Variants in FAR2 observed in about 807,000 individuals in gnomAD.
FAR2 encodes fatty acyl-CoA reductase 2.
In FAR2, 19 loss-of-function variants were observed where a neutral mutation model predicts 56.0. The observed-to-expected ratio is 0.34, with a 90% CI of 0.24 to 0.50. The LOEUF (loss-of-function observed/expected upper bound fraction) is 0.50. FAR2 is among the 20% of genes least tolerant of loss of function. The pLI is 0.98. For synonymous variants in FAR2, 219 were observed against 218.8 expected (o/e 1.00, Z -0.01); for missense variants, 508 against 642.2 (o/e 0.79, Z 2.26).
At chr12:29,175,684 A>G (rs1291388221) in intron 1 of FAR2, among the ~76,000 whole-genome samples, 1 of 152,138 alleles carries the variant, frequency 6.6e-6, no homozygotes, top group Non-Finnish European at 1.5e-5. Flanking sequence ...TGTATTTACA[A>G]TCCTTTAGCT....
chr12:29,290,729 C>T (rs1366302865), intron 2 of FAR2, among the ~76,000 whole-genome samples: 6 of 152,136 alleles, frequency 3.9e-5, no homozygotes, highest in Admixed American at 1.3e-4. Context: ...GGTCATTATG[C>T]TAAGTGAAAT....
chr12:29,182,753 A>G (rs950399063), intron 1 of FAR2, among the ~76,000 whole-genome samples: 6 of 152,168 alleles, frequency 3.9e-5, no homozygotes, highest in Non-Finnish European at 2.9e-5. Flanking sequence ...GAATTCCCTC[A>G]ACATCAAGGA....
At chr12:29,291,362 G>A (rs1200043904) in intron 2 of FAR2, 1 of 455,846 alleles carries the variant, frequency 2.2e-6, no homozygotes, top group African/African-American at 2.0e-5. Flanking sequence ...GGTCTCTGAG[G>A]GTGGAATAAA....
At chr12:29,195,587 A>G (rs997226437) in intron 1 of FAR2, among the ~76,000 whole-genome samples, 1 of 152,210 alleles carries the variant, frequency 6.6e-6, no homozygotes, top group East Asian at 1.9e-4. Flanking sequence ...AAAAGAATAT[A>G]CTCAAAGAGA....
In FAR2 at chr12:29,328,513, G is replaced by A. The variant is rs1370179123; in HGVS notation, c.1258-4087G>A. On this transcript the variant is annotated intron_variant, in intron 10 of 11. Coordinates refer to ENST00000536681, the MANE Select transcript of FAR2 (RefSeq NM_001271783.2). ...ACCAACCCAAATGTCCAACAATGAT[G>A]GACTGGATAAAGAAAATGTGGCACA... Among the ~76,000 whole-genome samples the A allele has an allele frequency of 5.9e-5, 9 of 152,034 alleles. No homozygotes were observed. In the East Asian group the frequency reaches 1.4e-3, roughly 23 times the overall value.
At chr12:29,260,365 A>C (rs1948395963) in intron 1 of FAR2, among the ~76,000 whole-genome samples, 1 of 152,208 alleles carries the variant, frequency 6.6e-6, no homozygotes. Context: ...TAAATTGATT[A>C]AAATCATGGA....
chr12:29,328,745 A>C (rs1221403270), intron 10 of FAR2, among the ~76,000 whole-genome samples: 1 of 45,212 alleles, frequency 2.2e-5, no homozygotes, highest in Non-Finnish European at 4.2e-5. Flanking sequence ...CCTGTTGTGG[A>C]GTGGGGGGAG....
chr12:29,261,911 A>G (rs1159218346), intron 1 of FAR2, among the ~76,000 whole-genome samples: 2 of 152,248 alleles, frequency 1.3e-5, no homozygotes, highest in African/African-American at 4.8e-5. Context: ...GTCCTATAAA[A>G]ATGCTAAAGG....
intron 2 of FAR2, 84 bp downstream of exon 2, chr12:29,270,722 T>G: frequency 8.1e-7 from 1 of 1,227,606 alleles, no homozygotes; most frequent in East Asian, 2.7e-5. Flanking sequence ...AGTCTCATAT[T>G]GCAAGTGGGG....
chr12:29,180,630 T>C (rs1949982848), intron 1 of FAR2, among the ~76,000 whole-genome samples: 1 of 152,194 alleles, frequency 6.6e-6, no homozygotes, highest in Non-Finnish European at 1.5e-5. Flanking sequence ...GCCCCAAGGA[T>C]GACTTTTATG....
intron 2 of FAR2, chr12:29,292,109 A>C (rs892803192): frequency 1.3e-5 from 2 of 152,226 alleles, no homozygotes; most frequent in South Asian, 4.1e-4. Flanking sequence ...GGTGCTGTTC[A>C]ACGTTGCACA....
intron 2 of FAR2, among the ~76,000 whole-genome samples, chr12:29,274,542 C>T (rs1456790283): frequency 6.6e-6 from 1 of 152,014 alleles, no homozygotes; most frequent in Non-Finnish European, 1.5e-5. Flanking sequence ...GACTTATAAT[C>T]CTTTGGGTAT....
intron 2 of FAR2, among the ~76,000 whole-genome samples, chr12:29,285,868 G>A (rs182826077): frequency 1.5e-4 from 23 of 151,084 alleles, no homozygotes; most frequent in Admixed American, 1.4e-3. Flanking sequence ...GGAGTGAGCC[G>A]AGATCACACC....
chr12:29,168,207 G>T (rs997970221), intron 1 of FAR2, among the ~76,000 whole-genome samples: 3 of 152,144 alleles, frequency 2.0e-5, no homozygotes, highest in African/African-American at 4.8e-5. Flanking sequence ...TTTGGTTCTC[G>T]CTCCATAAAA....
At chr12:29,273,198 A>C (rs1261260191) in intron 2 of FAR2, among the ~76,000 whole-genome samples, 5 of 152,134 alleles carry the variant, frequency 3.3e-5, no homozygotes, top group Non-Finnish European at 7.4e-5. Context: ...GGGGAAACCC[A>C]CTTGTCTGGG....
chr12:29,156,837 G>A (rs1185423261), intron 1 of FAR2: 1 of 151,944 alleles, frequency 6.6e-6, no homozygotes, highest in Non-Finnish European at 1.5e-5. Context: ...GGAATAGCTA[G>A]TCCAGGTATT....
chr12:29,232,707 G>C (rs981924178), intron 1 of FAR2, among the ~76,000 whole-genome samples: 7 of 151,810 alleles, frequency 4.6e-5, no homozygotes, highest in Non-Finnish European at 7.4e-5. Flanking sequence ...TTATTTCTCT[G>C]TATAGTCTTT....
At chr12:29,300,024 A>C (rs1449584634) in intron 4 of FAR2, among the ~76,000 whole-genome samples, 1 of 152,222 alleles carries the variant, frequency 6.6e-6, no homozygotes, top group Non-Finnish European at 1.5e-5. Flanking sequence ...ACAGAAGAGA[A>C]TATTTCTTGC....
At chr12:29,310,943 G>A (rs1591957749) in intron 6 of FAR2, 85 bp from the exon 7 acceptor site, 1 of 987,284 alleles carries the variant, frequency 1.0e-6, no homozygotes, top group East Asian at 2.4e-5. Context: ...TATTGCACTA[G>A]TATAACCAGT....
Sources: allele counts gnomAD v4.1 joint callset (sites outside exome capture counted in the v4.1 genomes callset), GRCh38; gene constraint gnomAD v4.1.1; transcripts MANE v1.5; gene names NCBI Gene and HGNC (gene_info 2026-07-23, HGNC 2026-07-21).